Variants in SYTL4 observed in about 807,000 individuals in gnomAD.
The protein encoded by SYTL4 is synaptotagmin-like protein 4.
SYTL4 carries 16 observed loss-of-function variants against 52.7 expected under a neutral mutation model. The observed-to-expected ratio is 0.30, with a 90% CI of 0.21 to 0.46. SYTL4 has a LOEUF of 0.46. Among genes scored for constraint, SYTL4 ranks in the 20% least tolerant of loss-of-function variants. SYTL4 has a pLI of 1.00. For missense variants in SYTL4, 423 were observed against 519.9 expected (o/e 0.81, Z 1.81); for synonymous variants, 160 against 186.6 (o/e 0.86, Z 1.16).
At chrX:100,718,310 A>G (rs2084268821) in intron 2 of SYTL4, among the ~76,000 whole-genome samples, 1 of 112,047 alleles carries the variant, frequency 8.9e-6, no homozygotes, top group Admixed American at 9.5e-5. Flanking sequence ...ATAAATATGA[A>G]GCAAATGTTA....
In SYTL4 at chrX:100,690,588, G is replaced by A. The variant is rs1602785100; in HGVS notation, c.692C>T (p.Ser231Phe). 8.3e-7 allele frequency: 1 copy of A among 1,207,444 alleles called. No homozygotes were observed. Among genetic ancestry groups the A allele is most frequent in the Non-Finnish European group, 1.1e-6 (1 of 892,850 alleles). Residue 231 changes from serine (S) to phenylalanine (F), a missense_variant, in exon 10 of 20, where the codon TCT becomes TTT. Ser to Phe is a radical substitution (Grantham distance 155). Coordinates refer to ENST00000372989, the MANE Select transcript of SYTL4 (RefSeq NM_001370165.1). ...CTTTTCTACTTGAGATTTGGGAGCA[G>A]ACATCTTCTTCCATTCTGGAAAGAG... is the stretch of plus-strand genomic sequence containing the variant. Reference protein sequence around the residue: ...SGLFPEWKKMSAPKSQVEKET... With the variant: ...SGLFPEWKKMFAPKSQVEKET...
At chrX:100,725,626 T>G (rs1327784133) in intron 2 of SYTL4, among the ~76,000 whole-genome samples, 1 of 112,212 alleles carries the variant, frequency 8.9e-6, no homozygotes, top group Non-Finnish European at 1.9e-5. Flanking sequence ...AAAAATTATG[T>G]GATACAATAT....
intron 2 of SYTL4, among the ~76,000 whole-genome samples, chrX:100,725,508 C>A (rs1162069606): frequency 8.9e-6 from 1 of 112,213 alleles, no homozygotes; most frequent in African/African-American, 3.2e-5. Context: ...AAGAGATATT[C>A]TCATATTTTG....
chrX:100,679,212 G>A, intron 18 of SYTL4, 101 bp downstream of exon 18: 1 of 659,591 alleles, frequency 1.5e-6, no homozygotes, highest in East Asian at 3.4e-5. Flanking sequence ...GTTGCCGGGA[G>A]TGGTAAGACA....
chrX:100,704,624 G>C (rs2083920507), intron 3 of SYTL4, among the ~76,000 whole-genome samples, 187 bp downstream of exon 3: 1 of 112,051 alleles, frequency 8.9e-6, no homozygotes, highest in African/African-American at 3.2e-5. Context: ...AAAAAGTTTT[G>C]TTTTAACCCT....
intron 2 of SYTL4, among the ~76,000 whole-genome samples, chrX:100,709,890 T>C (rs1236609462): frequency 1.8e-5 from 2 of 111,984 alleles, no homozygotes; most frequent in African/African-American, 3.3e-5. Context: ...TTTCAGGCTA[T>C]TGTTATTGTT....
At chrX:100,705,105 TCTC>T (rs2083929388) in intron 2 of SYTL4, among the ~76,000 whole-genome samples, 1 of 111,948 alleles carries the variant, frequency 8.9e-6, no homozygotes, top group Admixed American at 9.5e-5. Flanking sequence ...TTTTCAATCT[TCTC>T]CTCTGTATCT....
intron 2 of SYTL4, among the ~76,000 whole-genome samples, chrX:100,715,011 T>C (rs1268646764): frequency 8.9e-6 from 1 of 111,760 alleles, no homozygotes; most frequent in Non-Finnish European, 1.9e-5. Context: ...CTCATCCTTC[T>C]TTATTTCCAT....
intron 2 of SYTL4, among the ~76,000 whole-genome samples, chrX:100,707,980 G>GA (rs2083990982): frequency 9.6e-6 from 1 of 104,365 alleles, no homozygotes; most frequent in Admixed American, 1.1e-4. Flanking sequence ...CACAAGAACA[G>GA]AAAACCAAAC....
intron 2 of SYTL4, among the ~76,000 whole-genome samples, chrX:100,723,503 C>T (rs1007526390): frequency 8.9e-5 from 10 of 112,177 alleles, no homozygotes; most frequent in Non-Finnish European, 1.5e-4. Flanking sequence ...CCCTTGGCCT[C>T]CCAAAGTGCC....
chrX:100,699,482 C>CATTTTTTTTTTTTTTTTTTTTTTTTT (rs1313181387), intron 8 of SYTL4, among the ~76,000 whole-genome samples: 1 of 59,892 alleles, frequency 1.7e-5, no homozygotes, highest in Non-Finnish European at 2.7e-5. Context: ...CAGCATTACT[C>CATTTTTTTTTTTTTTTTTTTTTTTTT]TTTTTTTTTT....
In SYTL4 at chrX:100,675,869, T is replaced by C. The variant is rs2083266135; in HGVS notation, c.*159A>G. ...ATCACTCTAGCCAGCATAATGAGAT[T>C]TGCAGAAAATACATGTTTGTACACA... On this transcript the variant is annotated 3_prime_UTR_variant, in exon 20 of 20. Coordinates refer to ENST00000372989, the MANE Select transcript of SYTL4 (RefSeq NM_001370165.1). 2.2e-6 allele frequency: 1 copy of C among 451,640 alleles called. No homozygotes were observed. The highest frequency in any genetic ancestry group is 3.4e-6 in the Non-Finnish European group (1 of 291,775). The allele number at this position is 451,640 out of a possible 1,213,427, so 37.2% of individuals were successfully genotyped here.
At chrX:100,717,666 A>G (rs1279259576) in intron 2 of SYTL4, among the ~76,000 whole-genome samples, 1 of 112,512 alleles carries the variant, frequency 8.9e-6, no homozygotes, top group East Asian at 2.8e-4. Context: ...AGGACTTGTT[A>G]GGGCACACTG....
chrX:100,721,426 T>C (rs2084337676), intron 2 of SYTL4, among the ~76,000 whole-genome samples: 4 of 112,352 alleles, frequency 3.6e-5, no homozygotes, highest in African/African-American at 1.3e-4. Flanking sequence ...GATTGTAAGC[T>C]GTATGACAGA....
chrX:100,683,008 G>T (rs1379862345), intron 16 of SYTL4, among the ~76,000 whole-genome samples: 1 of 110,404 alleles, frequency 9.1e-6, no homozygotes, highest in South Asian at 3.9e-4. Context: ...GTGGCCTATT[G>T]TCTTTGGCTT....
intron 2 of SYTL4, among the ~76,000 whole-genome samples, chrX:100,723,608 A>T (rs1404893093): frequency 3.0e-5 from 3 of 101,233 alleles, no homozygotes; most frequent in African/African-American, 7.4e-5. Flanking sequence ...GGAGCGCCTC[A>T]TCCCGGCCGC....
intron 12 of SYTL4, 88 bp from the exon 13 acceptor site, chrX:100,688,531 G>T: frequency 2.8e-6 from 2 of 716,706 alleles, no homozygotes; most frequent in South Asian, 2.9e-5. Flanking sequence ...AAAGCTCCAA[G>T]TTGCCATGTG....
intron 12 of SYTL4, among the ~76,000 whole-genome samples, chrX:100,689,639 CAAAAAAAAA>C (rs58418223): frequency 1.8e-4 from 7 of 39,658 alleles, no homozygotes; most frequent in Non-Finnish European, 2.8e-4. Context: ...AACTCCGTCT[CAAAAAAAAA>C]AAAAAAAAAA....
Position 100,687,089 on chromosome X carries a change from C to T in SYTL4, c.1162G>A (p.Glu388Lys). Residue 388 changes from glutamate to lysine, a missense_variant, in exon 14 of 20, where the codon GAA (glutamate) becomes AAA (lysine). Coordinates refer to ENST00000372989, the MANE Select transcript of SYTL4 (RefSeq NM_001370165.1). ...CACGGGTTAGAGCGCTTCTTGGCTT[C>T]ATCAGCATAGGCCAGCTGATGGCAC... ...KECHQLAYAD[E>K]AKKRSNPYVK... 4 of 1,211,516 alleles carry T rather than the reference C, an allele frequency of 3.3e-6. No homozygotes were observed. The highest frequency in any genetic ancestry group is 4.5e-6 in the Non-Finnish European group (4 of 895,441).
Sources: gnomAD v4.1 joint callset for allele counts (sites outside exome capture counted in the v4.1 genomes callset) on GRCh38, gnomAD v4.1.1 for gene constraint, MANE v1.5 for transcripts, NCBI Gene and HGNC (gene_info 2026-07-23, HGNC 2026-07-21) for gene names.